Variants in ARPC1B observed in about 807,000 individuals in gnomAD.
ARPC1B encodes actin-related protein 2/3 complex subunit 1B.
In ARPC1B, 29 loss-of-function variants were observed where a neutral mutation model predicts 46.0. The observed-to-expected ratio is 0.63, with a 90% CI of 0.47 to 0.86. The LOEUF (loss-of-function observed/expected upper bound fraction) is 0.86. Ranked by LOEUF, ARPC1B falls within the 40% of genes least tolerant of loss-of-function variation. The pLI is 0.00. For synonymous variants in ARPC1B, 201 were observed against 213.9 expected (o/e 0.94, Z 0.53); for missense variants, 469 against 529.4 (o/e 0.89, Z 1.12).
Position 99,393,934 on chromosome 7 carries a change from C to T in ARPC1B, c.990-95C>T. On this transcript the variant is annotated intron_variant, in intron 8 of 9. Coordinates refer to ENST00000646101, the MANE Select transcript of ARPC1B (RefSeq NM_005720.4). ...CCTCGGTACTTCTCACTAAAGCCCG[C>T]TCCCCAAGAAGTCTGGGAGCGCCTG... 10 of 1,273,672 alleles carry T rather than the reference C, an allele frequency of 7.9e-6. 1 individual carries two copies. In the South Asian group the frequency reaches 1.2e-4, roughly 15 times the overall value. 78.9% of individuals were successfully genotyped at this position (1,273,672 alleles called of 1,614,324 possible).
rs144709575 is a variant in ARPC1B, at chr7:99,394,038, G to A, written c.999G>A (p.Ser333=). 8.4e-5 allele frequency: 136 copies of A among 1,613,080 alleles called. 3 individuals carry two copies. The South Asian group carries it at 1.4e-3, about 16-fold the overall frequency. Residue 333 remains serine (S), a synonymous_variant, in exon 9 of 10, where the codon TCG becomes TCA. Transcript: ENST00000646101. ...SLHKNSVSQI[S]VLSGGKAKCS... Reference sequence around the variant, plus strand: ...CTCTTCCTCTTTGCAGCCAGATCTCGGTGCTCAGCGGCGGCAAGGCCAAGT... The same window carrying A: ...CTCTTCCTCTTTGCAGCCAGATCTCAGTGCTCAGCGGCGGCAAGGCCAAGT...
At chr7:99,379,293 T>C (rs963100567) in intron 1 of ARPC1B, among the ~76,000 whole-genome samples, 2 of 152,186 alleles carry the variant, frequency 1.3e-5, no homozygotes, top group Non-Finnish European at 2.9e-5. Context: ...TTTTCATGTG[T>C]GTTTCTTGAC....
chr7:99,394,439 G>A lies in ARPC1B; in HGVS notation c.1081-12G>A. The A allele has an allele frequency of 6.2e-7, 1 of 1,611,438 alleles. No individual in the cohort carries two copies. ...AGCTGAGAACCAGCCTGTCCGTTCTGCCTCCCTGCAGAGCTTGGAGTCAGC... is the reference window on the plus strand; with the variant it reads ...AGCTGAGAACCAGCCTGTCCGTTCTACCTCCCTGCAGAGCTTGGAGTCAGC... On this transcript the variant is annotated splice_polypyrimidine_tract_variant and intron_variant, in intron 9 of 9. Coordinates refer to ENST00000646101, the MANE Select transcript of ARPC1B (RefSeq NM_005720.4).
intron 1 of ARPC1B, among the ~76,000 whole-genome samples, chr7:99,383,511 G>C (rs1392887436): frequency 6.6e-6 from 1 of 152,208 alleles, no homozygotes; most frequent in Admixed American, 6.5e-5. Context: ...ATTCCAGCAG[G>C]GGAGGAAGGC....
chr7:99,385,853 G>A, intron 2 of ARPC1B, 75 bp downstream of exon 2: 2 of 1,460,496 alleles, frequency 1.4e-6, no homozygotes, highest in Non-Finnish European at 1.9e-6. Context: ...CACACATGGG[G>A]ACTCTGGAGC....
chr7:99,383,844 A>AC (rs902358611), intron 1 of ARPC1B, among the ~76,000 whole-genome samples: 81 of 152,338 alleles, frequency 5.3e-4, no homozygotes, highest in African/African-American at 1.9e-3. Flanking sequence ...CACATCCATC[A>AC]CAGGCTAAGA....
intron 7 of ARPC1B, 119 bp downstream of exon 7, chr7:99,391,372 C>A (rs1794566978): frequency 9.4e-7 from 1 of 1,068,168 alleles, no homozygotes; most frequent in Non-Finnish European, 1.4e-6. Context: ...TCCTTGCATT[C>A]TCTCATGTAC....
intron 1 of ARPC1B, among the ~76,000 whole-genome samples, chr7:99,381,810 C>A (rs1412185561): frequency 6.6e-6 from 1 of 152,220 alleles, no homozygotes; most frequent in East Asian, 1.9e-4. Context: ...AAAGGTCGTT[C>A]TGCCTTTCCC....
At chr7:99,389,365 T>G (rs1363615459) in intron 4 of ARPC1B, 1 of 154,266 alleles carries the variant, frequency 6.5e-6, no homozygotes, top group Admixed American at 6.4e-5. Context: ...CCTGAGTAGC[T>G]CGGACTACAG....
intron 4 of ARPC1B, 34 bp from the exon 5 acceptor site, chr7:99,389,871 C>G: frequency 6.4e-7 from 1 of 1,574,704 alleles, no homozygotes. Flanking sequence ...CCTGCCTGTC[C>G]CTCTCTCCCT....
At chr7:99,385,802 G>T in intron 2 of ARPC1B, 24 bp downstream of exon 2, 1 of 1,598,434 alleles carries the variant, frequency 6.3e-7, no homozygotes, top group Non-Finnish European at 8.5e-7. Flanking sequence ...GGGGGCCGGT[G>T]GGTGGCTGCT....
intron 1 of ARPC1B, among the ~76,000 whole-genome samples, chr7:99,375,260 C>T (rs1423196860): frequency 3.3e-5 from 5 of 152,280 alleles, no homozygotes; most frequent in Admixed American, 1.3e-4. Context: ...CAGTCACTTC[C>T]CCTCCATCCC....
At chr7:99,383,134 C>G (rs11983474) in intron 1 of ARPC1B, among the ~76,000 whole-genome samples, 2 of 151,990 alleles carry the variant, frequency 1.3e-5, no homozygotes, top group African/African-American at 4.8e-5. Context: ...CATGAGCCAC[C>G]GTGCCTGGCC....
intron 7 of ARPC1B, 93 bp downstream of exon 7, chr7:99,391,346 T>G: frequency 7.7e-7 from 1 of 1,302,334 alleles, no homozygotes; most frequent in East Asian, 2.5e-5. Flanking sequence ...TTCTCCTGCC[T>G]CCCTCCTTTT....
chr7:99,391,088 C>G lies in ARPC1B; in HGVS notation c.696C>G (p.Asp232Glu), dbSNP rs771858187. 6 of 1,613,504 alleles carry G rather than the reference C, an allele frequency of 3.7e-6. No homozygotes were observed. Among genetic ancestry groups the G allele is most frequent in the Non-Finnish European group, 3.4e-6 (4 of 1,179,702 alleles). ...HDSTVCLADA[D>E]KKMAVATLAS... ...GCACCGTCTGCCTGGCTGATGCCGA[C>G]AAGAAGATGGCGTGAGTCGAGGCCA... The change falls in exon 6 of 10, where the codon GAC becomes GAG. Residue 232 changes from aspartate to glutamate, a missense_variant. By Grantham distance (45) the Asp-to-Glu change is conservative. Coordinates refer to ENST00000646101, the MANE Select transcript of ARPC1B (RefSeq NM_005720.4).
intron 8 of ARPC1B, 95 bp downstream of exon 8, chr7:99,392,971 G>T (rs992081365): frequency 1.6e-6 from 2 of 1,289,398 alleles, no homozygotes; most frequent in Admixed American, 2.7e-5. Context: ...TCCTCCTGGG[G>T]CATTGTGCTG....
At chr7:99,392,972 C>T (rs1228914754) in intron 8 of ARPC1B, 96 bp downstream of exon 8, 1 of 1,289,286 alleles carries the variant, frequency 7.8e-7, no homozygotes, top group South Asian at 1.5e-5. Context: ...CCTCCTGGGG[C>T]ATTGTGCTGG....
intron 1 of ARPC1B, among the ~76,000 whole-genome samples, chr7:99,384,867 T>C (rs1358770344): frequency 6.6e-6 from 1 of 150,522 alleles, no homozygotes; most frequent in Non-Finnish European, 1.5e-5. Flanking sequence ...TTTCTTTTTT[T>C]TTTTTTTTTT....
chr7:99,390,796 C>T, intron 5 of ARPC1B, 97 bp from the exon 6 acceptor site: 2 of 1,138,114 alleles, frequency 1.8e-6, no homozygotes, highest in South Asian at 1.5e-5. Context: ...CTCCTGGGTT[C>T]AAGCAATCCT....
Sources: allele counts gnomAD v4.1 joint callset (sites outside exome capture counted in the v4.1 genomes callset), GRCh38; gene constraint gnomAD v4.1.1; transcripts MANE v1.5; gene names NCBI Gene and HGNC (gene_info 2026-07-23, HGNC 2026-07-21).